PITPNC1: variants seen among roughly 807,000 people sequenced by gnomAD.
PITPNC1 encodes cytoplasmic phosphatidylinositol transfer protein 1.
A neutral mutation model predicts 44.7 loss-of-function variants in PITPNC1; 18 were observed. The observed-to-expected ratio is 0.40, with a 90% CI of 0.28 to 0.60. The LOEUF (loss-of-function observed/expected upper bound fraction) is 0.60. PITPNC1 is among the 20% of genes least tolerant of loss of function. The pLI, the probability that PITPNC1 is intolerant of heterozygous loss-of-function variation, is 0.39. For missense variants in PITPNC1, 290 were observed against 418.4 expected (o/e 0.69, Z 2.68); for synonymous variants, 141 against 149.6 (o/e 0.94, Z 0.42).
intron 1 of PITPNC1, among the ~76,000 whole-genome samples, chr17:67,469,863 A>T (rs2039489042): frequency 6.6e-6 from 1 of 152,154 alleles, no homozygotes; most frequent in Non-Finnish European, 1.5e-5. Context: ...AGGGGCTGAG[A>T]GATTTTTTAA....
chr17:67,674,782 G>T (rs2042573524), intron 7 of PITPNC1, among the ~76,000 whole-genome samples: 1 of 152,060 alleles, frequency 6.6e-6, no homozygotes. Flanking sequence ...GGGAGGTCGA[G>T]GTGGGTGGAT....
At chr17:67,588,789 G>C (rs2041354694) in intron 5 of PITPNC1, among the ~76,000 whole-genome samples, 2 of 152,192 alleles carry the variant, frequency 1.3e-5, no homozygotes, top group African/African-American at 4.8e-5. Context: ...TAAAGCAGGA[G>C]TGCCAGTGGG....
At chr17:67,485,838 A>AGGCT (rs2039771187) in intron 1 of PITPNC1, among the ~76,000 whole-genome samples, 1 of 152,188 alleles carries the variant, frequency 6.6e-6, no homozygotes, top group African/African-American at 2.4e-5. Context: ...CACAAGCTGA[A>AGGCT]GGCTGTCTTC....
Position 67,494,216 on chromosome 17 carries a change from TTTGA to T in PITPNC1, c.49-38585_49-38582del, listed in dbSNP as rs1407780536. 2.0e-4 allele frequency among the ~76,000 whole-genome samples: 30 copies of T among 148,154 alleles called. 1 individual carries two copies. Among genetic ancestry groups the T allele is most frequent in the African/African-American group, 7.5e-4 (29 of 38,686 alleles). On this transcript the variant is annotated intron_variant, in intron 1 of 8. Coordinates refer to ENST00000581322, the MANE Select transcript of PITPNC1 (RefSeq NM_012417.4). Reference sequence around the variant, plus strand: ...TTCTTTCTTTCTTTCTTTCTTTCTTTTTGAGACGTAGTCTTGCTCTGTTACTCAG... The same window carrying T: ...TTCTTTCTTTCTTTCTTTCTTTCTTTGACGTAGTCTTGCTCTGTTACTCAG...
rs557198349 is a variant in PITPNC1 at position 67,462,769 on chromosome 17, A to C, written c.49-70033A>C. Among the ~76,000 whole-genome samples, 692 of 139,952 alleles carry C rather than the reference A, an allele frequency of 4.9e-3. 3 individuals carry two copies. Among genetic ancestry groups the C allele is most frequent in the African/African-American group, 0.018 (669 of 36,784 alleles). 91.8% of individuals were successfully genotyped at this position (139,952 alleles called of 152,430 possible). ...CCAGGCTGGAGTGCAATGGCGTGATATCGGCTCACCGCAACCTCCGCCTCC... is the reference window on the plus strand; with the variant it reads ...CCAGGCTGGAGTGCAATGGCGTGATCTCGGCTCACCGCAACCTCCGCCTCC... On this transcript the variant is annotated intron_variant, in intron 1 of 8. Transcript: ENST00000581322.
intron 1 of PITPNC1, among the ~76,000 whole-genome samples, chr17:67,433,213 A>C (rs1488451025): frequency 6.6e-6 from 1 of 152,194 alleles, no homozygotes; most frequent in Non-Finnish European, 1.5e-5. Flanking sequence ...AGTCAGTGCC[A>C]GGAAAGAATT....
At chr17:67,517,257 GGCTTTCTTGTT>G (rs1375935152) in intron 1 of PITPNC1, among the ~76,000 whole-genome samples, 1 of 152,150 alleles carries the variant, frequency 6.6e-6, no homozygotes, top group African/African-American at 2.4e-5. Flanking sequence ...TATTGCTTAT[GGCTTTCTTGTT>G]GCTTTCTTAT....
intron 6 of PITPNC1, among the ~76,000 whole-genome samples, chr17:67,636,281 C>T (rs1214632116): frequency 5.2e-5 from 4 of 77,350 alleles, no homozygotes; most frequent in East Asian, 4.6e-4. Flanking sequence ...GACTCCGTTT[C>T]AAAAAAAAAA....
intron 1 of PITPNC1, among the ~76,000 whole-genome samples, chr17:67,529,841 G>GGAGGCA (rs1052188467): frequency 1.9e-4 from 29 of 152,144 alleles, no homozygotes; most frequent in Non-Finnish European, 2.9e-4. Flanking sequence ...CCAGCTGCTT[G>GGAGGCA]GGAGGCTGAG....
Position 67,620,473 on chromosome 17 carries a change from C to A in PITPNC1, c.367-11670C>A, listed in dbSNP as rs1256758935. On this transcript the variant is annotated intron_variant, in intron 5 of 8. Transcript: ENST00000581322. ...AGCAAGCCAGTCTCGCGGAGATCTG[C>A]AGAGGTGTTCTCTGGAGCTCCCCTT... Among the ~76,000 whole-genome samples the A allele has an allele frequency of 2.0e-5, 3 of 152,148 alleles. No homozygotes were observed. In the East Asian group the frequency reaches 5.8e-4, roughly 29 times the overall value.
In PITPNC1 at chr17:67,517,278, T is replaced by C. The variant is rs968377480; in HGVS notation, c.49-15524T>C. Among the ~76,000 whole-genome samples the C allele has an allele frequency of 3.3e-5, 5 of 152,234 alleles. No homozygotes were observed. In the East Asian group the frequency reaches 7.7e-4, roughly 23 times the overall value. ...TTATGGCTTTCTTGTTGCTTTCTTA[T>C]TGCTTATGGCTTTCTTGTTGCTGTA... On this transcript the variant is annotated intron_variant, in intron 1 of 8. Coordinates refer to ENST00000581322, the MANE Select transcript of PITPNC1 (RefSeq NM_012417.4).
chr17:67,397,889 C>G (rs530010973), intron 1 of PITPNC1, among the ~76,000 whole-genome samples: 2 of 152,086 alleles, frequency 1.3e-5, no homozygotes, highest in South Asian at 2.1e-4. Context: ...GTCAGGAAAT[C>G]GAGACTATCC....
intron 8 of PITPNC1, among the ~76,000 whole-genome samples, chr17:67,688,035 G>GT (rs1192533529): frequency 1.4e-5 from 1 of 72,710 alleles, no homozygotes; most frequent in African/African-American, 4.4e-5. Flanking sequence ...CATAGTAGGT[G>GT]TTAAAAAAAA....
chr17:67,695,616 A>G lies in PITPNC1; in HGVS notation c.*2728A>G, dbSNP rs1422459699. 1.4e-5 allele frequency: 2 copies of G among 147,026 alleles called. No individual in the cohort carries two copies. Among genetic ancestry groups the G allele is most frequent in the African/African-American group, 2.5e-5 (1 of 40,134 alleles). 9.1% of individuals were successfully genotyped at this position (147,026 alleles called of 1,614,324 possible). ...TTGTATTATACCTGTGTATATATAT[A>G]TATATATATATATATAAATATAAAT... On this transcript the variant is annotated 3_prime_UTR_variant, in exon 9 of 9. Transcript: ENST00000581322.
intron 5 of PITPNC1, among the ~76,000 whole-genome samples, chr17:67,580,421 C>A (rs1359967348): frequency 5.3e-5 from 8 of 152,180 alleles, no homozygotes; most frequent in African/African-American, 1.9e-4. Flanking sequence ...TCTCAGGTCA[C>A]TGCAGCCTCC....
At chr17:67,387,921 G>A (rs1028488782) in intron 1 of PITPNC1, among the ~76,000 whole-genome samples, 1 of 152,030 alleles carries the variant, frequency 6.6e-6, no homozygotes, top group Non-Finnish European at 1.5e-5. Context: ...CCGTGGACAC[G>A]CATCTCAGTT....
intron 1 of PITPNC1, among the ~76,000 whole-genome samples, chr17:67,501,557 T>C (rs1598748079): frequency 6.6e-6 from 1 of 152,058 alleles, no homozygotes. Flanking sequence ...GCTGGCTGGG[T>C]GCGGTGGCTC....
At chr17:67,686,627 G>T (rs1396353164) in intron 8 of PITPNC1, among the ~76,000 whole-genome samples, 1 of 152,112 alleles carries the variant, frequency 6.6e-6, no homozygotes, top group Non-Finnish European at 1.5e-5. Flanking sequence ...CAATGAAAGT[G>T]TCCTTTCTGT....
At chr17:67,514,260 TGTGATCTTG>T (rs2040229620) in intron 1 of PITPNC1, among the ~76,000 whole-genome samples, 1 of 152,020 alleles carries the variant, frequency 6.6e-6, no homozygotes, top group African/African-American at 2.4e-5. Flanking sequence ...ATTGCAGTGG[TGTGATCTTG>T]GTTCACTGCA....
Sources: allele counts gnomAD v4.1 joint callset (sites outside exome capture counted in the v4.1 genomes callset), GRCh38; gene constraint gnomAD v4.1.1; transcripts MANE v1.5; gene names NCBI Gene and HGNC (gene_info 2026-07-23, HGNC 2026-07-21).